Variants in OCA2 observed in about 807,000 individuals in gnomAD.
OCA2 encodes P protein.
OCA2 carries 77 observed loss-of-function variants against 100.2 expected under a neutral mutation model. The ratio of observed to expected loss-of-function variants is 0.77; its 90% CI spans 0.64 to 0.93. The LOEUF (loss-of-function observed/expected upper bound fraction) is 0.93, where lower values mean the gene tolerates loss of function less well. Ranked by LOEUF, OCA2 falls within the 40% of genes least tolerant of loss-of-function variation. The pLI, the probability that OCA2 is intolerant of heterozygous loss-of-function variation, is 0.00. For synonymous variants in OCA2, 432 were observed against 439.2 expected, an observed-to-expected ratio of 0.98 and a Z score of 0.21; for missense variants, 1,062 against 1,089.1, an observed-to-expected ratio of 0.98 and a Z score of 0.35.
At chr15:27,818,790 C>T (rs1359431526) in intron 23 of OCA2, among the ~76,000 whole-genome samples, 2 of 152,204 alleles carry the variant, frequency 1.3e-5, no homozygotes, top group Non-Finnish European at 1.5e-5. Context: ...TTCCAAGATG[C>T]ATGCACAGCC....
chr15:27,785,575 TAAGAA>T (rs2032771316), intron 23 of OCA2, among the ~76,000 whole-genome samples: 1 of 151,820 alleles, frequency 6.6e-6, no homozygotes, highest in South Asian at 2.1e-4. Context: ...ATAAAAAAGG[TAAGAA>T]AGAAAAGAAA....
In OCA2 at chr15:27,972,256, G is replaced by C. The variant is rs183510130; in HGVS notation, c.1504-5434C>G. Among the ~76,000 whole-genome samples the C allele has an allele frequency of 4.0e-3, 606 of 152,218 alleles. 6 individuals carry two copies. The highest frequency in any genetic ancestry group is 4.8e-3 in the Non-Finnish European group (328 of 68,012). ...TCTTTATCCACTTATCTGTTGATAG[G>C]CATTTAGGTTGAGTCCATATCTCTG... On this transcript the variant is annotated intron_variant, in intron 14 of 23. Transcript: ENST00000354638.
intron 23 of OCA2, among the ~76,000 whole-genome samples, chr15:27,772,988 T>C (rs1458277094): frequency 6.6e-6 from 1 of 152,204 alleles, no homozygotes; most frequent in Non-Finnish European, 1.5e-5. Context: ...AAATTCATTT[T>C]CTCTATTCTG....
intron 1 of OCA2, among the ~76,000 whole-genome samples, chr15:28,082,686 A>C (rs927335299): frequency 2.6e-5 from 4 of 152,234 alleles, no homozygotes; most frequent in African/African-American, 9.6e-5. Flanking sequence ...AATTACATAC[A>C]TACAACAGAG....
chr15:28,031,616 G>A (rs13329466), intron 3 of OCA2, among the ~76,000 whole-genome samples: 24,472 of 152,238 alleles, frequency 0.16, 2,638 homozygotes, highest in Non-Finnish European at 0.24. Context: ...TCTCAACTTC[G>A]TCACTACTGA....
intron 15 of OCA2, among the ~76,000 whole-genome samples, chr15:27,963,045 T>A (rs572220680): frequency 3.3e-5 from 5 of 152,350 alleles, no homozygotes; most frequent in African/African-American, 1.2e-4. Flanking sequence ...TCGCAAAGAT[T>A]GTTTTTATAG....
intron 18 of OCA2, among the ~76,000 whole-genome samples, chr15:27,934,911 C>T (rs1185309527): frequency 2.0e-5 from 3 of 152,184 alleles, no homozygotes; most frequent in Non-Finnish European, 4.4e-5. Context: ...GCAGAGCCAG[C>T]GGCACTAATC....
At chr15:27,821,170 GCAC>G (rs1566991269) in intron 23 of OCA2, among the ~76,000 whole-genome samples, 2 of 152,042 alleles carry the variant, frequency 1.3e-5, no homozygotes. Context: ...CACGAGAAAA[GCAC>G]CAGTTTCCAT....
intron 14 of OCA2, 36 bp downstream of exon 14, chr15:27,983,309 G>C (rs766398741): frequency 6.2e-7 from 1 of 1,613,492 alleles, no homozygotes; most frequent in Non-Finnish European, 8.5e-7. Flanking sequence ...GGAGGTGTGC[G>C]TTTACTGGAA....
intron 14 of OCA2, among the ~76,000 whole-genome samples, chr15:27,969,517 T>C (rs760134024): frequency 2.0e-5 from 3 of 152,226 alleles, no homozygotes; most frequent in Admixed American, 6.5e-5. Flanking sequence ...GTAACAAAAC[T>C]ATCCACCAGC....
intron 22 of OCA2, 74 bp from the exon 23 acceptor site, chr15:27,845,126 T>C: frequency 9.2e-7 from 1 of 1,092,510 alleles, no homozygotes; most frequent in Non-Finnish European, 1.4e-6. Context: ...GTTTGTAATA[T>C]TTAGATCATC....
chr15:28,047,495 G>A (rs1010892032), intron 2 of OCA2, among the ~76,000 whole-genome samples: 40 of 152,076 alleles, frequency 2.6e-4, no homozygotes, highest in African/African-American at 9.4e-4. Flanking sequence ...GGAAACACGT[G>A]GTCTAGGCTT....
At chr15:27,830,732 T>A (rs1276432062) in intron 23 of OCA2, among the ~76,000 whole-genome samples, 1 of 152,156 alleles carries the variant, frequency 6.6e-6, no homozygotes, top group Non-Finnish European at 1.5e-5. Context: ...AGTCATTTCA[T>A]AGCAAAATAT....
chr15:27,986,541 T>C (rs1330877030), intron 12 of OCA2, 46 bp downstream of exon 12: 2 of 1,112,276 alleles, frequency 1.8e-6, no homozygotes, highest in Non-Finnish European at 2.7e-6. Flanking sequence ...AAAATACATA[T>C]ATAAATTAAT....
chr15:27,927,282 T>C (rs1038984283), intron 18 of OCA2, among the ~76,000 whole-genome samples: 10 of 152,092 alleles, frequency 6.6e-5, no homozygotes, highest in African/African-American at 2.4e-4. Flanking sequence ...AGAGCCAAAC[T>C]CCATCTCAAA....
chr15:27,771,288 C>T (rs1026287498), intron 23 of OCA2, among the ~76,000 whole-genome samples: 1 of 151,810 alleles, frequency 6.6e-6, no homozygotes, highest in Non-Finnish European at 1.5e-5. Flanking sequence ...GCCAAGGTCA[C>T]AGCGCTACTG....
chr15:28,019,294 C>T (rs2042511665), intron 6 of OCA2, among the ~76,000 whole-genome samples: 3 of 151,530 alleles, frequency 2.0e-5, no homozygotes, highest in South Asian at 2.1e-4. Flanking sequence ...AAGAAGAGGA[C>T]GCAGCAAAGA....
At chr15:27,856,189 A>G (rs978693256) in intron 21 of OCA2, among the ~76,000 whole-genome samples, 5 of 152,128 alleles carry the variant, frequency 3.3e-5, no homozygotes, top group Non-Finnish European at 5.9e-5. Flanking sequence ...CATCAGTCAT[A>G]TTGGATTAGG....
At chr15:27,825,700 C>A (rs144414540) in intron 23 of OCA2, among the ~76,000 whole-genome samples, 2 of 152,306 alleles carry the variant, frequency 1.3e-5, no homozygotes, top group African/African-American at 4.8e-5. Context: ...GTTCTCCCAA[C>A]CCCACCTTTG....
Sources: gnomAD v4.1 joint callset for allele counts (sites outside exome capture counted in the v4.1 genomes callset) on GRCh38, gnomAD v4.1.1 for gene constraint, MANE v1.5 for transcripts, NCBI Gene and HGNC (gene_info 2026-07-23, HGNC 2026-07-21) for gene names.